Variants in ADAM28 observed in about 807,000 individuals in gnomAD.
ADAM28 encodes the protein ADAM metallopeptidase domain 28.
In ADAM28, 105 loss-of-function variants were observed where a neutral mutation model predicts 101.2. That is an observed-to-expected ratio of 1.04 (90% confidence interval 0.89 to 1.22). ADAM28 has a LOEUF of 1.22. Ranked by LOEUF, ADAM28 falls within the 50% of genes most tolerant of loss-of-function variation. The pLI, the probability that ADAM28 is intolerant of heterozygous loss-of-function variation, is 0.00. For missense variants in ADAM28, 1,028 were observed against 945.4 expected, an observed-to-expected ratio of 1.09 and a Z score of -1.15; for synonymous variants, 322 against 310.6, an observed-to-expected ratio of 1.04 and a Z score of -0.39.
intron 20 of ADAM28, 68 bp from the exon 21 acceptor site, chr8:24,351,919 A>G: frequency 6.4e-7 from 1 of 1,554,480 alleles, no homozygotes; most frequent in Non-Finnish European, 8.9e-7. Context: ...GTGCTTACTT[A>G]AAAATTACTT....
At chr8:24,331,407 C>T (rs1010978192) in intron 12 of ADAM28, 80 bp downstream of exon 12, 14 of 1,361,198 alleles carry the variant, frequency 1.0e-5, no homozygotes, top group South Asian at 7.9e-5. Context: ...ATGTGTGGCC[C>T]GCTATAACAT....
intron 4 of ADAM28, among the ~76,000 whole-genome samples, chr8:24,311,042 T>C (rs77558441): frequency 0.022 from 3,376 of 152,166 alleles, 135 homozygotes; most frequent in African/African-American, 0.076. Flanking sequence ...AAAGGAAAAA[T>C]GAGTGTCCAG....
At chr8:24,326,439 C>T (rs2129297151) in intron 9 of ADAM28, 115 bp from the exon 10 acceptor site, 2 of 892,636 alleles carry the variant, frequency 2.2e-6, no homozygotes, top group Non-Finnish European at 3.4e-6. Context: ...AAAAATATGA[C>T]AGTGATGGTT....
intron 14 of ADAM28, among the ~76,000 whole-genome samples, chr8:24,336,374 G>C (rs1814054779): frequency 6.6e-6 from 1 of 151,546 alleles, no homozygotes; most frequent in African/African-American, 2.4e-5. Flanking sequence ...ACGAGGTCAG[G>C]AGATCAAGAC....
intron 20 of ADAM28, among the ~76,000 whole-genome samples, chr8:24,351,699 G>A (rs958504692): frequency 2.6e-5 from 4 of 151,702 alleles, no homozygotes; most frequent in African/African-American, 9.7e-5. Context: ...TAACCCAAAT[G>A]TCCTACTCAT....
At chr8:24,319,991 C>A (rs1304830089) in intron 6 of ADAM28, among the ~76,000 whole-genome samples, 1 of 151,886 alleles carries the variant, frequency 6.6e-6, no homozygotes, top group Non-Finnish European at 1.5e-5. Context: ...CCTATTGTAA[C>A]ATAATTTAGA....
chr8:24,329,880 TGTGTGTGA>T lies in ADAM28; in HGVS notation c.973-103_973-96del, dbSNP rs779578288. The T allele has an allele frequency of 7.8e-3, 7,437 of 949,980 alleles. 324 individuals carry two copies. In the African/African-American group the frequency reaches 0.11, roughly 14 times the overall value. The allele number at this position is 949,980 out of a possible 1,614,324, so 58.8% of individuals were successfully genotyped here. On this transcript the variant is annotated intron_variant, in intron 10 of 22. Transcript: ENST00000265769. ...GTGTGTGTGTGTGTTTGTGTGTGTG[TGTGTGTGA>T]GAGAGAGAGAGAGAGAGAGAGAGAG...
chr8:24,307,596 A>G (rs990433035), intron 2 of ADAM28, among the ~76,000 whole-genome samples: 10 of 152,232 alleles, frequency 6.6e-5, no homozygotes, highest in African/African-American at 2.4e-4. Context: ...TGACCAAATG[A>G]GTAAGTAAAC....
rs1209721108 is a variant in ADAM28 at position 24,351,929 on chromosome 8, T to C, written c.2179-58T>C. On this transcript the variant is annotated intron_variant, in intron 20 of 22. Coordinates refer to ENST00000265769, the MANE Select transcript of ADAM28 (RefSeq NM_014265.6). ...GAAAAGTGCTTACTTAAAAATTACTTAAAAACTGTGCTTATGAAACTAATG... is the reference window on the plus strand; with the variant it reads ...GAAAAGTGCTTACTTAAAAATTACTCAAAAACTGTGCTTATGAAACTAATG... 1.9e-6 allele frequency: 3 copies of C among 1,586,332 alleles called. No homozygotes were observed. The East Asian group carries it at 6.7e-5, about 36-fold the overall frequency.
intron 16 of ADAM28, 69 bp downstream of exon 16, chr8:24,341,826 C>T: frequency 6.3e-7 from 1 of 1,597,890 alleles, no homozygotes; most frequent in East Asian, 2.2e-5. Flanking sequence ...TGTTTTGCCC[C>T]TCGGTTATTC....
At chr8:24,297,061 A>C (rs938606951) in intron 1 of ADAM28, among the ~76,000 whole-genome samples, 6 of 152,168 alleles carry the variant, frequency 3.9e-5, no homozygotes, top group South Asian at 4.1e-4. Flanking sequence ...TTTAGAGAAT[A>C]TATGGAGTGA....
chr8:24,313,690 T>C (rs1585567899), intron 6 of ADAM28, 110 bp downstream of exon 6: 6 of 1,075,484 alleles, frequency 5.6e-6, no homozygotes, highest in South Asian at 4.9e-5. Context: ...TAGTAAGTTA[T>C]AGAGACACTA....
intron 2 of ADAM28, among the ~76,000 whole-genome samples, chr8:24,307,219 A>G (rs1809818154): frequency 6.6e-6 from 1 of 152,202 alleles, no homozygotes; most frequent in South Asian, 2.1e-4. Context: ...ATCTCTGTAT[A>G]TCCCATGAAA....
intron 1 of ADAM28, among the ~76,000 whole-genome samples, chr8:24,298,447 G>T (rs1397608810): frequency 1.3e-5 from 2 of 152,032 alleles, no homozygotes; most frequent in Non-Finnish European, 2.9e-5. Flanking sequence ...GAAAGTTTAT[G>T]CTTTAGTTTC....
At chr8:24,353,982 C>T (rs1012049347) in intron 22 of ADAM28, 150 bp downstream of exon 22, 20 of 539,872 alleles carry the variant, frequency 3.7e-5, no homozygotes, top group East Asian at 1.6e-4. Flanking sequence ...TCTTATTTCT[C>T]GGTATGGCCA....
chr8:24,352,329 T>C (rs1816258871), intron 21 of ADAM28, among the ~76,000 whole-genome samples: 1 of 152,164 alleles, frequency 6.6e-6, no homozygotes, highest in African/African-American at 2.4e-5. Flanking sequence ...TAAATTAACA[T>C]AGATTGAGTG....
chr8:24,294,105 A>G lies in ADAM28; in HGVS notation c.-45A>G. On this transcript the variant is annotated 5_prime_UTR_variant, in exon 1 of 23. Transcript: ENST00000265769. ...GGCAGGGACAGACCCAGCAGCACCC[A>G]CCTGAGCGAGAAGAGCAGACACCGT... is the stretch of plus-strand genomic sequence containing the variant. The G allele has an allele frequency of 3.7e-6, 6 of 1,612,612 alleles. No homozygotes were observed. The highest frequency in any genetic ancestry group is 1.3e-5 in the African/African-American group (1 of 74,950).
In ADAM28 at chr8:24,335,388, G is replaced by A; in HGVS notation, c.1372-58G>A. The A allele has an allele frequency of 4.7e-6, 7 of 1,499,660 alleles. No homozygotes were observed. In the South Asian group the frequency reaches 9.7e-5, roughly 21 times the overall value. 92.9% of individuals were successfully genotyped at this position (1,499,660 alleles called of 1,614,324 possible). A position where few individuals can be genotyped will look rare whatever the true frequency, so the allele number is the denominator to read the frequency against. On this transcript the variant is annotated intron_variant, in intron 13 of 22. Transcript: ENST00000265769. ...TGGAAAATATTTGTGTTAATTTGAGGTATTAGGGTAAAGCAGGTAGGGAGA... is the reference window on the plus strand; with the variant it reads ...TGGAAAATATTTGTGTTAATTTGAGATATTAGGGTAAAGCAGGTAGGGAGA...
chr8:24,334,257 A>C (rs1047711615), intron 13 of ADAM28, among the ~76,000 whole-genome samples: 1 of 152,178 alleles, frequency 6.6e-6, no homozygotes, highest in Non-Finnish European at 1.5e-5. Flanking sequence ...GTACAGTCTC[A>C]CTTGATTTTC....
Sources: gnomAD v4.1 joint callset for allele counts (sites outside exome capture counted in the v4.1 genomes callset) on GRCh38, gnomAD v4.1.1 for gene constraint, MANE v1.5 for transcripts, NCBI Gene and HGNC (gene_info 2026-07-23, HGNC 2026-07-21) for gene names.